GATAD2A: variants seen among roughly 807,000 people sequenced by gnomAD.
GATAD2A encodes the protein GATA zinc finger domain containing 2A.
In GATAD2A, 12 loss-of-function variants were observed where a neutral mutation model predicts 68.5. The observed-to-expected ratio is 0.18, with a 90% CI of 0.11 to 0.28. The LOEUF is 0.28. GATAD2A is among the 10% of genes least tolerant of loss of function. The probability of loss-of-function intolerance (pLI) is 1.00; values close to 1 mark genes in which losing one functional copy is unlikely to be tolerated. For missense variants in GATAD2A, 755 were observed against 868.5 expected (o/e 0.87, Z 1.64); for synonymous variants, 410 against 375.3 (o/e 1.09, Z -1.07).
At chr19:19,502,656 C>T (rs573095665) in intron 11 of GATAD2A, 130 bp downstream of exon 11, 39 of 697,170 alleles carry the variant, frequency 5.6e-5, no homozygotes, top group Non-Finnish European at 8.8e-5. Flanking sequence ...CCTCCTCGGA[C>T]TCTGGCTTTC....
Position 19,473,774 on chromosome 19 carries a change from TAAAA to T in GATAD2A, c.269+8179_269+8182del, listed in dbSNP as rs1192789940. Among the ~76,000 whole-genome samples, 14 of 123,352 alleles carry T rather than the reference TAAAA, an allele frequency of 1.1e-4. No homozygotes were observed. The South Asian group carries it at 1.3e-3, about 12-fold the overall frequency. The allele number at this position is 123,352 out of a possible 152,430, so 80.9% of individuals were successfully genotyped here. A position where few individuals can be genotyped will look rare whatever the true frequency, so the allele number is the denominator to read the frequency against. The stretch of plus-strand genomic sequence containing the variant: ...AACATGGTGAAACCCCGTCTCTACT[TAAAA>T]AAAAAAAAAAAAAAAAAATTAGCCG... On this transcript the variant is annotated intron_variant, in intron 2 of 11. Transcript: ENST00000683918.
Position 19,502,532 on chromosome 19 carries a change from T to G in GATAD2A, c.1774+6T>G. On this transcript the variant is annotated splice_donor_region_variant and intron_variant, in intron 11 of 11. Transcript: ENST00000683918. ...GAAGACGCCCCTCAGCACAGGTGGG[T>G]GACCTCCACAGGGCTCCCCAGGGGA... 6.2e-7 allele frequency: 1 copy of G among 1,602,510 alleles called. No homozygotes were observed. Among genetic ancestry groups the G allele is most frequent in the Non-Finnish European group, 8.5e-7 (1 of 1,173,394 alleles).
At chr19:19,436,384 G>T (rs1447355690) in intron 1 of GATAD2A, among the ~76,000 whole-genome samples, 4 of 152,206 alleles carry the variant, frequency 2.6e-5, no homozygotes, top group Non-Finnish European at 5.9e-5. Flanking sequence ...TCTGTATGGG[G>T]CTGCCTGGCC....
rs138861658 is a variant in GATAD2A at position 19,397,006 on chromosome 19, G to A, written c.-7+10868G>A. Among the ~76,000 whole-genome samples the A allele has an allele frequency of 2.7e-3, 412 of 152,176 alleles. 4 individuals carry two copies. Among genetic ancestry groups the A allele is most frequent in the African/African-American group, 9.3e-3 (387 of 41,528 alleles). ...CAGGCGTGAGCCACTGCTCCCAGCC[G>A]TTAGGTTTCTTAAGTGGCTAGGTGT... On this transcript the variant is annotated intron_variant, in intron 1 of 11. Coordinates refer to the GATAD2A transcript ENST00000360315.
At chr19:19,405,408 G>GC (rs1264810460), upstream of GATAD2A, among the ~76,000 whole-genome samples, 1 of 152,212 alleles carries the variant, frequency 6.6e-6, no homozygotes, top group Non-Finnish European at 1.5e-5. Context: ...CTTGGGTGCG[G>GC]CCCGCCCGGC....
intron 1 of GATAD2A, among the ~76,000 whole-genome samples, chr19:19,421,462 TCAGTGA>T (rs1216174882): frequency 1.3e-5 from 2 of 152,188 alleles, no homozygotes; most frequent in Admixed American, 6.5e-5. Flanking sequence ...GCGCTGTGCT[TCAGTGA>T]CACTTTGTGG....
intron 1 of GATAD2A, among the ~76,000 whole-genome samples, chr19:19,418,177 G>C (rs946780767): frequency 6.6e-6 from 1 of 152,154 alleles, no homozygotes; most frequent in Non-Finnish European, 1.5e-5. Flanking sequence ...ATTGTCAGCT[G>C]TGATGGCCGA....
At chr19:19,473,774 T>TA (rs1192789940) in intron 2 of GATAD2A, among the ~76,000 whole-genome samples, 4,340 of 123,306 alleles carry the variant, frequency 0.035, 96 homozygotes, top group Admixed American at 0.078. Flanking sequence ...CGTCTCTACT[T>TA]AAAAAAAAAA....
At chr19:19,496,348 G>C in intron 7 of GATAD2A, 129 bp downstream of exon 7, 1 of 851,026 alleles carries the variant, frequency 1.2e-6, no homozygotes, top group Non-Finnish European at 1.9e-6. Flanking sequence ...TGCTCTTTCA[G>C]AGCCAGGCAG....
intron 1 of GATAD2A, among the ~76,000 whole-genome samples, chr19:19,390,321 A>G (rs2048756201): frequency 6.6e-6 from 1 of 151,956 alleles, no homozygotes; most frequent in African/African-American, 2.4e-5. Context: ...GAGATGATGA[A>G]CTGGAGGTGG....
In GATAD2A at chr19:19,505,510, T is replaced by C; in HGVS notation, c.*36T>C. ...GCCCCGTGGAAGACGGGCTCCCTCCTCCCCCACCTGGCCCCTGGTCTAGAA... is the reference window on the plus strand; with the variant it reads ...GCCCCGTGGAAGACGGGCTCCCTCCCCCCCCACCTGGCCCCTGGTCTAGAA... On this transcript the variant is annotated 3_prime_UTR_variant, in exon 12 of 12. Transcript: ENST00000683918. 1 of 1,537,150 alleles carries C rather than the reference T, an allele frequency of 6.5e-7. No homozygotes were observed. Among genetic ancestry groups the C allele is most frequent in the South Asian group, 1.2e-5 (1 of 83,148 alleles).
At chr19:19,405,256 C>T (rs577163303), upstream of GATAD2A, among the ~76,000 whole-genome samples, 3 of 152,308 alleles carry the variant, frequency 2.0e-5, no homozygotes, top group Admixed American at 6.5e-5. Context: ...GACACCGGGG[C>T]CGAAGTTCCC....
At chr19:19,503,007 G>A (rs917140246) in intron 11 of GATAD2A, among the ~76,000 whole-genome samples, 4 of 152,242 alleles carry the variant, frequency 2.6e-5, no homozygotes, top group African/African-American at 9.6e-5. Flanking sequence ...CCCGGGGCAG[G>A]TAGTGGAGGC....
chr19:19,480,352 C>T (rs1046172404), intron 2 of GATAD2A, among the ~76,000 whole-genome samples: 1 of 152,194 alleles, frequency 6.6e-6, no homozygotes, highest in Non-Finnish European at 1.5e-5. Flanking sequence ...AATGTCACCA[C>T]CTATCCGTTG....
intron 1 of GATAD2A, among the ~76,000 whole-genome samples, chr19:19,411,301 C>T (rs2050893494): frequency 6.6e-6 from 1 of 152,206 alleles, no homozygotes; most frequent in Non-Finnish European, 1.5e-5. Flanking sequence ...TACTGAATGC[C>T]TGGGTTGGTT....
At chr19:19,503,366 C>G (rs979889540) in intron 11 of GATAD2A, among the ~76,000 whole-genome samples, 1 of 151,914 alleles carries the variant, frequency 6.6e-6, no homozygotes, top group Non-Finnish European at 1.5e-5. Flanking sequence ...CTGAGCCTGC[C>G]GCTGTCCTAA....
At chr19:19,454,728 G>GCGCCCCC (rs566507943) in intron 1 of GATAD2A, among the ~76,000 whole-genome samples, 1 of 121,616 alleles carries the variant, frequency 8.2e-6, no homozygotes, top group African/African-American at 3.5e-5. Context: ...GAGCCACTGT[G>GCGCCCCC]CCCCCCCCCA....
At chr19:19,494,846 G>A (rs1027262144) in intron 5 of GATAD2A, among the ~76,000 whole-genome samples, 6 of 152,210 alleles carry the variant, frequency 3.9e-5, no homozygotes, top group African/African-American at 1.4e-4. Context: ...CCTGCCGTGG[G>A]CCGGCCAGTG....
intron 11 of GATAD2A, among the ~76,000 whole-genome samples, chr19:19,504,584 T>G (rs2060756791): frequency 6.6e-6 from 1 of 152,000 alleles, no homozygotes; most frequent in Admixed American, 6.6e-5. Flanking sequence ...GGCCTGGAGT[T>G]TGAGACCAGT....
Sources: gnomAD v4.1 joint callset for allele counts (sites outside exome capture counted in the v4.1 genomes callset) on GRCh38, gnomAD v4.1.1 for gene constraint, MANE v1.5 for transcripts, NCBI Gene and HGNC (gene_info 2026-07-23, HGNC 2026-07-21) for gene names.